Variants in SPIDR observed in about 807,000 individuals in gnomAD.
SPIDR encodes DNA repair-scaffolding protein.
Under a neutral mutation model 104.6 loss-of-function variants are expected in SPIDR, and 93 were observed. The ratio of observed to expected loss-of-function variants is 0.89; its 90% CI spans 0.75 to 1.06. SPIDR has a LOEUF of 1.06. Ranked by LOEUF, SPIDR falls within the 50% of genes least tolerant of loss-of-function variation. The probability of loss-of-function intolerance (pLI) is 0.00; values close to 1 mark genes in which losing one functional copy is unlikely to be tolerated. For missense variants in SPIDR, 1,154 were observed against 1,111.2 expected, an observed-to-expected ratio of 1.04 and a Z score of -0.55; for synonymous variants, 431 against 416.9, an observed-to-expected ratio of 1.03 and a Z score of -0.41.
chr8:47,491,799 A>G (rs2078759699), intron 8 of SPIDR, among the ~76,000 whole-genome samples: 2 of 152,140 alleles, frequency 1.3e-5, no homozygotes, highest in African/African-American at 2.4e-5. Context: ...GTAGTGAAGT[A>G]TGATCCTGCA....
intron 14 of SPIDR, among the ~76,000 whole-genome samples, chr8:47,703,908 C>T (rs923737834): frequency 5.3e-5 from 8 of 152,166 alleles, no homozygotes; most frequent in Non-Finnish European, 1.0e-4. Flanking sequence ...CATCTACTGA[C>T]GGCCACCGAG....
At chr8:47,478,088 C>G (rs1469848488) in intron 8 of SPIDR, among the ~76,000 whole-genome samples, 1 of 152,198 alleles carries the variant, frequency 6.6e-6, no homozygotes, top group Non-Finnish European at 1.5e-5. Context: ...AGGGCTGACA[C>G]TTCGTGTGAG....
intron 8 of SPIDR, among the ~76,000 whole-genome samples, chr8:47,475,454 A>G (rs1209063389): frequency 1.3e-5 from 2 of 152,230 alleles, no homozygotes; most frequent in Non-Finnish European, 2.9e-5. Context: ...TCAGACCATT[A>G]TTTTGTAATT....
chr8:47,377,540 G>T (rs1329049598), intron 5 of SPIDR, among the ~76,000 whole-genome samples: 3 of 152,206 alleles, frequency 2.0e-5, no homozygotes, highest in Non-Finnish European at 4.4e-5. Flanking sequence ...AGTTCATTAT[G>T]TGCAAATATT....
intron 10 of SPIDR, among the ~76,000 whole-genome samples, chr8:47,625,193 A>C (rs574854561): frequency 6.6e-6 from 1 of 152,242 alleles, no homozygotes; most frequent in African/African-American, 2.4e-5. Flanking sequence ...AACAACCTTC[A>C]TGCTAAAAAC....
intron 7 of SPIDR, among the ~76,000 whole-genome samples, chr8:47,418,539 T>C (rs1485824231): frequency 1.3e-5 from 2 of 152,236 alleles, no homozygotes; most frequent in Non-Finnish European, 2.9e-5. Flanking sequence ...TGGGTTTTTC[T>C]AGATATACAA....
chr8:47,444,888 C>A lies in SPIDR; in HGVS notation c.1097+4346C>A, dbSNP rs540097171. ...TCTCAGGATGTGGTACATATTGGTT[C>A]TTTTACTATCATAAACAGCTATGTA... is the stretch of plus-strand genomic sequence containing the variant. On this transcript the variant is annotated intron_variant, in intron 8 of 19. Coordinates refer to ENST00000297423, the MANE Select transcript of SPIDR (RefSeq NM_001080394.4). Among the ~76,000 whole-genome samples the A allele has an allele frequency of 2.0e-5, 3 of 152,220 alleles. No homozygotes were observed. In the East Asian group the frequency reaches 5.8e-4, roughly 29 times the overall value.
chr8:47,657,239 T>TA, intron 10 of SPIDR, among the ~76,000 whole-genome samples: 1 of 152,148 alleles, frequency 6.6e-6, no homozygotes, highest in East Asian at 1.9e-4. Context: ...GTTATAAAAA[T>TA]AAAAGGCATA....
chr8:47,603,105 T>A (rs1231956966), intron 10 of SPIDR, among the ~76,000 whole-genome samples: 1 of 151,652 alleles, frequency 6.6e-6, no homozygotes, highest in Non-Finnish European at 1.5e-5. Flanking sequence ...ATAGATAGAC[T>A]ACATGTTGAA....
intron 8 of SPIDR, among the ~76,000 whole-genome samples, chr8:47,516,773 T>G (rs1475835912): frequency 6.6e-6 from 1 of 152,176 alleles, no homozygotes; most frequent in Non-Finnish European, 1.5e-5. Context: ...GTTTCTGCTC[T>G]CAATTTTTTT....
At chr8:47,673,650 T>C (rs1428732198) in intron 10 of SPIDR, 151 bp from the exon 11 acceptor site, 28 of 1,038,344 alleles carry the variant, frequency 2.7e-5, no homozygotes, top group South Asian at 2.6e-4. Context: ...TTCTTTTTTT[T>C]TTCCCCCCTT....
At position 47,735,469 on chromosome 8, in the gene SPIDR, T is replaced by G; in HGVS notation, c.*19T>G. ...ACACTAGCGGTTGCCGCAGGATCTG[T>G]GAACTTTGCAATGTGGCTGCAAGGG... On this transcript the variant is annotated 3_prime_UTR_variant, in exon 20 of 20. Coordinates refer to ENST00000297423, the MANE Select transcript of SPIDR (RefSeq NM_001080394.4). 1 of 1,614,042 alleles carries G rather than the reference T, an allele frequency of 6.2e-7. No individual in the cohort carries two copies. Among genetic ancestry groups the G allele is most frequent in the Non-Finnish European group, 8.5e-7 (1 of 1,180,028 alleles).
intron 8 of SPIDR, among the ~76,000 whole-genome samples, chr8:47,502,780 A>G (rs906545020): frequency 6.6e-6 from 1 of 152,216 alleles, no homozygotes; most frequent in South Asian, 2.1e-4. Context: ...ATTTAGTGCT[A>G]TAAATTTCCC....
chr8:47,297,614 C>G (rs1038976620), intron 5 of SPIDR, among the ~76,000 whole-genome samples: 1 of 152,112 alleles, frequency 6.6e-6, no homozygotes, highest in Admixed American at 6.6e-5. Context: ...CCACCTCCCC[C>G]ACCCCACGAC....
At chr8:47,593,229 T>A (rs560045794) in intron 8 of SPIDR, among the ~76,000 whole-genome samples, 1 of 152,180 alleles carries the variant, frequency 6.6e-6, no homozygotes, top group African/African-American at 2.4e-5. Flanking sequence ...CTTTATTATT[T>A]ATATTGGGTA....
At chr8:47,399,464 G>A (rs2154314983) in intron 6 of SPIDR, among the ~76,000 whole-genome samples, 1 of 152,362 alleles carries the variant, frequency 6.6e-6, no homozygotes, top group African/African-American at 2.4e-5. Flanking sequence ...AAATAGGGCA[G>A]TCCTTCATTA....
At chr8:47,519,646 A>T (rs1002376782) in intron 8 of SPIDR, among the ~76,000 whole-genome samples, 2 of 152,122 alleles carry the variant, frequency 1.3e-5, no homozygotes, top group Non-Finnish European at 2.9e-5. Context: ...TTAGCCAGGC[A>T]TGGTGGCACA....
At chr8:47,555,900 A>G (rs903147578) in intron 8 of SPIDR, among the ~76,000 whole-genome samples, 2 of 152,238 alleles carry the variant, frequency 1.3e-5, no homozygotes, top group African/African-American at 4.8e-5. Flanking sequence ...TCATTCATCA[A>G]GTCAGAATGT....
chr8:47,610,752 G>A (rs1027688754), intron 10 of SPIDR, among the ~76,000 whole-genome samples: 1 of 152,210 alleles, frequency 6.6e-6, no homozygotes, highest in African/African-American at 2.4e-5. Flanking sequence ...GATTATACAT[G>A]AACAGATGCC....
Sources: gnomAD v4.1 joint callset for allele counts (sites outside exome capture counted in the v4.1 genomes callset) on GRCh38, gnomAD v4.1.1 for gene constraint, MANE v1.5 for transcripts, NCBI Gene and HGNC (gene_info 2026-07-23, HGNC 2026-07-21) for gene names.